The following TRPM3 variants were observed in gnomAD, a reference collection of about 807,000 sequenced individuals.
TRPM3 encodes the protein long transient receptor potential channel 3.
TRPM3 carries 77 observed loss-of-function variants against 181.2 expected under a neutral mutation model. The observed-to-expected ratio is 0.42, with a 90% confidence interval of 0.35 to 0.51. The LOEUF is 0.51. TRPM3 is among the 20% of genes least tolerant of loss of function. The pLI is 0.01. For synonymous variants in TRPM3, 745 were observed against 796.4 expected (o/e 0.94, Z 1.09); for missense variants, 1,759 against 2,196.7 (o/e 0.80, Z 3.98).
At chr9:70,984,387 GT>G (rs2097398506) in intron 1 of TRPM3, among the ~76,000 whole-genome samples, 1 of 152,200 alleles carries the variant, frequency 6.6e-6, no homozygotes, top group Admixed American at 6.5e-5. Flanking sequence ...GGTTAAATTT[GT>G]GTAAACACAG....
chr9:71,129,747 T>TG (rs2074259692), intron 1 of TRPM3, among the ~76,000 whole-genome samples: 1 of 152,168 alleles, frequency 6.6e-6, no homozygotes, highest in Non-Finnish European at 1.5e-5. Flanking sequence ...CTGACAAATC[T>TG]GAAAAAAGGA....
chr9:70,560,559 C>T (rs904815160), intron 22 of TRPM3, among the ~76,000 whole-genome samples: 4 of 152,182 alleles, frequency 2.6e-5, no homozygotes, highest in Non-Finnish European at 5.9e-5. Flanking sequence ...ACTTTAGGGT[C>T]CCTGTCAGGT....
At chr9:70,621,305 A>G (rs1289421128) in intron 14 of TRPM3, 32 bp from the exon 15 acceptor site, 1 of 1,574,576 alleles carries the variant, frequency 6.4e-7, no homozygotes, top group South Asian at 1.1e-5. Flanking sequence ...ACAAAGTTAG[A>G]TCAGTTAGAT....
rs185467911 is a variant in TRPM3, at chr9:70,679,905, G to T, written c.1345+1601C>A. 7.0e-4 allele frequency among the ~76,000 whole-genome samples: 106 copies of T among 152,262 alleles called. No individual in the cohort carries two copies. In the Middle Eastern group the frequency reaches 0.017, roughly 24 times the overall value. The stretch of plus-strand genomic sequence containing the variant: ...TGATAAGGGGAGAGTGGGGCCTGCA[G>T]TATGCTTTGTGGTTCAGTTCATGCC... On this transcript the variant is annotated intron_variant, in intron 9 of 25. Transcript: ENST00000677713.
chr9:70,864,524 A>AG lies in TRPM3; in HGVS notation c.178-14_178-13insC. On this transcript the variant is annotated splice_polypyrimidine_tract_variant and intron_variant, in intron 1 of 25. Coordinates refer to ENST00000677713, the MANE Select transcript of TRPM3 (RefSeq NM_001366145.2). ...AGGATTTCTGAGCCTGAAAAAGAAA[A>AG]CAAAAAAAAAAAAAAAAGAAAAAAG... The AG allele has an allele frequency of 7.0e-7, 1 of 1,419,414 alleles. No individual in the cohort carries two copies. The highest frequency in any genetic ancestry group is 9.2e-7 in the Non-Finnish European group (1 of 1,082,428). The allele number at this position is 1,419,414 out of a possible 1,614,324, so 87.9% of individuals were successfully genotyped here. A position where few individuals can be genotyped will look rare whatever the true frequency, so the allele number is the denominator to read the frequency against.
chr9:70,975,842 A>T (rs1280195272), intron 1 of TRPM3, among the ~76,000 whole-genome samples: 1 of 152,218 alleles, frequency 6.6e-6, no homozygotes, highest in African/African-American at 2.4e-5. Context: ...ACTTCGGCAC[A>T]TTACCTAACT....
chr9:70,587,853 A>G (rs1038001019), intron 22 of TRPM3, among the ~76,000 whole-genome samples: 2 of 152,222 alleles, frequency 1.3e-5, no homozygotes, highest in African/African-American at 4.8e-5. Context: ...AGACAAACCA[A>G]AAAGGAACCA....
chr9:70,874,584 T>A (rs919633191), intron 1 of TRPM3, among the ~76,000 whole-genome samples: 10 of 151,972 alleles, frequency 6.6e-5, no homozygotes, highest in African/African-American at 2.4e-4. Context: ...ATGATTTAAG[T>A]CCTTAATTCT....
At chr9:70,951,560 T>C (rs997656149) in intron 1 of TRPM3, among the ~76,000 whole-genome samples, 1 of 152,200 alleles carries the variant, frequency 6.6e-6, no homozygotes, top group African/African-American at 2.4e-5. Context: ...CAGACTGGTC[T>C]TGAACTCCTT....
rs76730276 is a variant in TRPM3 at position 70,638,976 on chromosome 9, G to C, written c.1581+84C>G. The C allele has an allele frequency of 4.3e-3, 6,378 of 1,467,748 alleles. 210 individuals carry two copies. The African/African-American group carries it at 0.075, about 17-fold the overall frequency. The allele number at this position is 1,467,748 out of a possible 1,614,324, so 90.9% of individuals were successfully genotyped here. On this transcript the variant is annotated intron_variant, in intron 11 of 25. Coordinates refer to ENST00000677713, the MANE Select transcript of TRPM3 (RefSeq NM_001366145.2). ...CATGCATTTGGACGGGAGAAGGGAA[G>C]AGAATCACAGGCATATGGGGGGCAG... is the stretch of plus-strand genomic sequence containing the variant.
intron 1 of TRPM3, among the ~76,000 whole-genome samples, chr9:71,231,635 A>T (rs1174523694): frequency 1.3e-5 from 2 of 152,226 alleles, no homozygotes; most frequent in Admixed American, 1.3e-4. Flanking sequence ...TTGCAGCAAC[A>T]TGATGCAGCT....
At position 71,134,194 on chromosome 9, in the gene TRPM3, A is replaced by T. The variant is rs192245818; in HGVS notation, c.184-269683T>A. Among the ~76,000 whole-genome samples the T allele has an allele frequency of 4.8e-4, 73 of 152,276 alleles. 1 individual carries two copies. Among genetic ancestry groups the T allele is most frequent in the Admixed American group, 4.4e-3 (68 of 15,298 alleles). ...TTTCTTAAGTAGCAATTGTGAATAC[A>T]GGGATCTTCGGTTCCATAATATAAT... is the stretch of plus-strand genomic sequence containing the variant. On this transcript the variant is annotated intron_variant, in intron 1 of 24. Coordinates refer to the TRPM3 transcript ENST00000357533.
chr9:71,077,008 G>A (rs1040831694), intron 1 of TRPM3, among the ~76,000 whole-genome samples: 1 of 152,092 alleles, frequency 6.6e-6, no homozygotes, highest in Non-Finnish European at 1.5e-5. Context: ...CAAACACTTG[G>A]CCTAAACAAG....
intron 6 of TRPM3, among the ~76,000 whole-genome samples, chr9:70,787,910 A>G (rs2084251887): frequency 6.6e-6 from 1 of 151,294 alleles, no homozygotes; most frequent in Admixed American, 6.6e-5. Flanking sequence ...GAACACACTC[A>G]TGTAACCTCC....
chr9:70,560,525 A>G (rs570909156), intron 22 of TRPM3, among the ~76,000 whole-genome samples: 11 of 152,322 alleles, frequency 7.2e-5, no homozygotes, highest in African/African-American at 2.6e-4. Flanking sequence ...CCCATTTTAC[A>G]TTTGAAGTAG....
At chr9:70,552,801 G>A (rs759526786) in intron 24 of TRPM3, 43 bp downstream of exon 24, 2 of 1,603,622 alleles carry the variant, frequency 1.2e-6, no homozygotes, top group South Asian at 1.1e-5. Context: ...GAAGTGGTAG[G>A]GATTTCTGAT....
intron 20 of TRPM3, among the ~76,000 whole-genome samples, chr9:70,599,706 A>G (rs926553326): frequency 5.9e-5 from 9 of 152,128 alleles, no homozygotes; most frequent in Non-Finnish European, 1.5e-5. Context: ...CTTTTTAGGA[A>G]GGCCTTTTTT....
At chr9:71,334,477 T>G (rs1330445517) in intron 1 of TRPM3, among the ~76,000 whole-genome samples, 1 of 149,126 alleles carries the variant, frequency 6.7e-6, no homozygotes, top group Non-Finnish European at 1.5e-5. Flanking sequence ...TTCTATAAAT[T>G]TTTGCCACAG....
intron 1 of TRPM3, among the ~76,000 whole-genome samples, chr9:70,938,801 C>CA (rs2096855036): frequency 6.6e-6 from 1 of 151,434 alleles, no homozygotes; most frequent in Non-Finnish European, 1.5e-5. Flanking sequence ...AAAATACACA[C>CA]AAAAAAATTA....
Sources: allele counts gnomAD v4.1 joint callset (sites outside exome capture counted in the v4.1 genomes callset), GRCh38; gene constraint gnomAD v4.1.1; transcripts MANE v1.5; gene names NCBI Gene and HGNC (gene_info 2026-07-23, HGNC 2026-07-21).